PTCHD4: variants seen among roughly 807,000 people sequenced by gnomAD.
The protein encoded by PTCHD4 is patched domain-containing protein 4.
PTCHD4 carries 33 observed loss-of-function variants against 58.1 expected under a neutral mutation model. The ratio of observed to expected loss-of-function variants is 0.57; its 90% CI spans 0.43 to 0.76. PTCHD4 has a LOEUF of 0.76. Ranked by LOEUF, PTCHD4 falls within the 30% of genes least tolerant of loss-of-function variation. PTCHD4 has a pLI of 0.00. For missense variants in PTCHD4, 1,058 were observed against 1,027.1 expected (o/e 1.03, Z -0.41); for synonymous variants, 478 against 409.6 (o/e 1.17, Z -2.02).
chr6:48,067,267 G>A (rs1764831911), intron 3 of PTCHD4, among the ~76,000 whole-genome samples: 1 of 152,120 alleles, frequency 6.6e-6, no homozygotes, highest in Non-Finnish European at 1.5e-5. Flanking sequence ...TCATTTGAGA[G>A]AAAAAATTTA....
chr6:47,879,799 T>C lies in PTCHD4; in HGVS notation c.1036A>G (p.Ile346Val). 6.2e-6 allele frequency: 10 copies of C among 1,613,678 alleles called. No homozygotes were observed. Among genetic ancestry groups the C allele is most frequent in the Non-Finnish European group, 8.5e-6 (10 of 1,179,788 alleles). The change falls in exon 5 of 5, where the codon ATC becomes GTC. Residue 346 changes from isoleucine (I) to valine (V), a missense_variant. Coordinates refer to ENST00000339488, the MANE Select transcript of PTCHD4 (RefSeq NM_001384253.1). ...GGGCTGGCACCCATGCCAAAAGTGATGAAGTACAGGGAGCTGGTCATGGTA... is the reference window on the plus strand; with the variant it reads ...GGGCTGGCACCCATGCCAAAAGTGACGAAGTACAGGGAGCTGGTCATGGTA... ...TYTMTSSLYF[I>V]TFGMGASPFT...
intron 3 of PTCHD4, among the ~76,000 whole-genome samples, chr6:48,026,613 A>G (rs902586755): frequency 9.9e-5 from 15 of 151,994 alleles, no homozygotes; most frequent in African/African-American, 3.6e-4. Flanking sequence ...AGCTCCCTAC[A>G]TTCACTGGGG....
At chr6:47,997,428 T>C (rs891112179) in intron 4 of PTCHD4, among the ~76,000 whole-genome samples, 1 of 152,220 alleles carries the variant, frequency 6.6e-6, no homozygotes, top group Non-Finnish European at 1.5e-5. Context: ...ACTAATATAC[T>C]ATCTTACTTT....
At chr6:47,940,590 T>C (rs900085441) in intron 4 of PTCHD4, among the ~76,000 whole-genome samples, 3 of 152,172 alleles carry the variant, frequency 2.0e-5, no homozygotes, top group East Asian at 3.8e-4. Context: ...AAACCATAAA[T>C]AGTTAAAGCC....
intron 4 of PTCHD4, 34 bp downstream of exon 4, chr6:48,008,600 T>C: frequency 6.3e-7 from 1 of 1,595,148 alleles, no homozygotes; most frequent in Non-Finnish European, 8.5e-7. Flanking sequence ...CCCAAACCGG[T>C]AAGAATCCGA....
At chr6:47,993,184 C>A (rs1220950876) in intron 4 of PTCHD4, among the ~76,000 whole-genome samples, 1 of 152,106 alleles carries the variant, frequency 6.6e-6, no homozygotes, top group African/African-American at 2.4e-5. Flanking sequence ...AAAATAGCCA[C>A]CATGACCTAA....
intron 4 of PTCHD4, among the ~76,000 whole-genome samples, chr6:47,957,034 G>A (rs998546396): frequency 1.3e-4 from 19 of 151,534 alleles, no homozygotes; most frequent in African/African-American, 4.4e-4. Context: ...TTTGGTGCCA[G>A]GTGCCTGTAA....
At chr6:48,110,662 T>TACAC (rs1765852335) in intron 1 of PTCHD4, among the ~76,000 whole-genome samples, 1 of 146,142 alleles carries the variant, frequency 6.8e-6, no homozygotes, top group South Asian at 2.2e-4. Context: ...CACACACACA[T>TACAC]ACACACACAA....
At chr6:48,046,944 A>C (rs542942671) in intron 3 of PTCHD4, among the ~76,000 whole-genome samples, 43 of 151,782 alleles carry the variant, frequency 2.8e-4, no homozygotes, top group Non-Finnish European at 8.8e-5. Flanking sequence ...ATGAAGGAAA[A>C]AACAGTGTGG....
intron 3 of PTCHD4, among the ~76,000 whole-genome samples, chr6:48,047,869 G>A (rs527270758): frequency 2.6e-4 from 39 of 151,856 alleles, no homozygotes; most frequent in African/African-American, 8.4e-4. Flanking sequence ...ATAAATCTTC[G>A]TTGTTTAAGT....
At chr6:48,087,038 A>G (rs1046640934) in intron 1 of PTCHD4, among the ~76,000 whole-genome samples, 1 of 152,210 alleles carries the variant, frequency 6.6e-6, no homozygotes, top group East Asian at 1.9e-4. Context: ...CACTTAAAAC[A>G]CTGACATGGT....
At chr6:48,107,390 C>A (rs551875510) in intron 1 of PTCHD4, among the ~76,000 whole-genome samples, 97 of 152,318 alleles carry the variant, frequency 6.4e-4, no homozygotes, top group African/African-American at 2.0e-3. Context: ...GGAAAACTGG[C>A]TAGCCATATG....
intron 4 of PTCHD4, among the ~76,000 whole-genome samples, chr6:47,911,703 T>G (rs1462996658): frequency 6.6e-6 from 1 of 152,032 alleles, no homozygotes; most frequent in East Asian, 1.9e-4. Flanking sequence ...CATGTTAAAT[T>G]TGAGATGACC....
At chr6:47,932,031 C>T (rs1022861785) in intron 4 of PTCHD4, among the ~76,000 whole-genome samples, 4 of 149,946 alleles carry the variant, frequency 2.7e-5, no homozygotes, top group Non-Finnish European at 4.4e-5. Flanking sequence ...CTTGTATGCA[C>T]CATGGGGACT....
intron 4 of PTCHD4, among the ~76,000 whole-genome samples, chr6:47,999,012 G>T (rs1745399369): frequency 6.6e-6 from 1 of 152,154 alleles, no homozygotes; most frequent in Non-Finnish European, 1.5e-5. Context: ...TAAAAATGTT[G>T]ACTATGGGTA....
intron 4 of PTCHD4, among the ~76,000 whole-genome samples, chr6:47,934,526 A>G (rs1205360664): frequency 6.6e-6 from 1 of 152,216 alleles, no homozygotes; most frequent in Non-Finnish European, 1.5e-5. Flanking sequence ...CTAGTAGCAT[A>G]AAAATATATA....
chr6:48,091,266 G>T (rs1013870469), intron 1 of PTCHD4, among the ~76,000 whole-genome samples: 3 of 150,596 alleles, frequency 2.0e-5, no homozygotes, highest in Non-Finnish European at 4.4e-5. Context: ...GCTAGTAAAG[G>T]TAATAATAAT....
intron 4 of PTCHD4, among the ~76,000 whole-genome samples, chr6:47,978,523 G>A (rs910338176): frequency 5.3e-5 from 8 of 152,244 alleles, no homozygotes; most frequent in South Asian, 2.1e-4. Flanking sequence ...AGTATTAAAT[G>A]TGTTAATTCG....
intron 4 of PTCHD4, among the ~76,000 whole-genome samples, chr6:47,915,859 T>C (rs1765227048): frequency 6.6e-6 from 1 of 152,114 alleles, no homozygotes; most frequent in African/African-American, 2.4e-5. Context: ...ATTGACTGTC[T>C]CAGTGCAAAA....
Sources: gnomAD v4.1 joint callset for allele counts (sites outside exome capture counted in the v4.1 genomes callset) on GRCh38, gnomAD v4.1.1 for gene constraint, MANE v1.5 for transcripts, NCBI Gene and HGNC (gene_info 2026-07-23, HGNC 2026-07-21) for gene names.